The following SUGCT variants were observed in gnomAD, a reference collection of about 807,000 sequenced individuals.
The protein encoded by SUGCT is succinyl-CoA:glutarate-CoA transferase.
In SUGCT, 41 loss-of-function variants were observed where a neutral mutation model predicts 55.0. The observed-to-expected ratio is 0.74, with a 90% CI of 0.58 to 0.97. SUGCT has a LOEUF of 0.97. Ranked by LOEUF, SUGCT falls within the 50% of genes least tolerant of loss-of-function variation. SUGCT has a pLI of 0.00. For missense variants in SUGCT, 568 were observed against 547.8 expected (o/e 1.04, Z -0.37); for synonymous variants, 187 against 200.4 (o/e 0.93, Z 0.56).
At chr7:40,245,506 C>T (rs1471083878) in intron 7 of SUGCT, among the ~76,000 whole-genome samples, 2 of 126,910 alleles carry the variant, frequency 1.6e-5, no homozygotes, top group Non-Finnish European at 3.2e-5. Flanking sequence ...GCGGCATGAT[C>T]TCGGCTCACT....
At chr7:40,253,593 C>T (rs1261939825) in intron 7 of SUGCT, among the ~76,000 whole-genome samples, 2 of 151,542 alleles carry the variant, frequency 1.3e-5, no homozygotes, top group Non-Finnish European at 2.9e-5. Flanking sequence ...GGCGGAGCCT[C>T]GCTCTGTTGC....
chr7:40,610,213 G>A (rs1228141134), intron 12 of SUGCT, among the ~76,000 whole-genome samples: 5 of 152,178 alleles, frequency 3.3e-5, no homozygotes, highest in African/African-American at 1.2e-4. Flanking sequence ...CCTTCATGTA[G>A]CATCCGCATG....
At chr7:40,675,208 G>A (rs1040899899) in intron 12 of SUGCT, among the ~76,000 whole-genome samples, 20 of 151,764 alleles carry the variant, frequency 1.3e-4, no homozygotes, top group Admixed American at 2.6e-4. Context: ...TTACAGGCAC[G>A]TGCCACTATG....
At chr7:40,658,527 C>T (rs902311529) in intron 12 of SUGCT, among the ~76,000 whole-genome samples, 1 of 152,210 alleles carries the variant, frequency 6.6e-6, no homozygotes, top group Admixed American at 6.5e-5. Context: ...ATCTGCGGGT[C>T]AGGGAACTAG....
chr7:40,934,411 G>A, the SUGCT span, among the ~76,000 whole-genome samples: 1 of 152,190 alleles, frequency 6.6e-6, no homozygotes, highest in Non-Finnish European at 1.5e-5. Context: ...ACCCATTTGA[G>A]GAGGCAGTGT....
chr7:40,791,784 G>A (rs1205834405), intron 13 of SUGCT, among the ~76,000 whole-genome samples: 1 of 152,112 alleles, frequency 6.6e-6, no homozygotes, highest in African/African-American at 2.4e-5. Flanking sequence ...AAAATGTACT[G>A]AAGCTGTCAC....
At chr7:40,815,335 T>G (rs528168305) in intron 13 of SUGCT, among the ~76,000 whole-genome samples, 208 of 152,318 alleles carry the variant, frequency 1.4e-3, no homozygotes, top group Non-Finnish European at 1.6e-3. Flanking sequence ...CTCCTTGGCC[T>G]AAGTTCTCTA....
chr7:40,167,631 G>C (rs924688729), intron 1 of SUGCT, among the ~76,000 whole-genome samples: 22 of 152,160 alleles, frequency 1.4e-4, no homozygotes, highest in African/African-American at 5.3e-4. Flanking sequence ...TGTGGGTCAC[G>C]GAAGAGAACT....
chr7:40,301,600 C>T (rs574150495), intron 8 of SUGCT, among the ~76,000 whole-genome samples: 1 of 152,320 alleles, frequency 6.6e-6, no homozygotes, highest in East Asian at 1.9e-4. Flanking sequence ...TAAAGAACTT[C>T]ATCATGTACT....
chr7:40,391,596 AC>A (rs140613962), intron 9 of SUGCT, among the ~76,000 whole-genome samples: 83,755 of 151,942 alleles, frequency 0.55, 23,218 homozygotes, highest in South Asian at 0.65. Context: ...ACCATCTCAC[AC>A]CAGTTCGAAT....
the SUGCT span, among the ~76,000 whole-genome samples, chr7:40,961,688 T>G: frequency 1.3e-5 from 2 of 152,162 alleles, no homozygotes; most frequent in African/African-American, 4.8e-5. Context: ...AAAGATGGTG[T>G]GTCTGGAGTT....
chr7:40,810,060 T>C (rs1791324880), intron 13 of SUGCT, among the ~76,000 whole-genome samples: 1 of 152,174 alleles, frequency 6.6e-6, no homozygotes, highest in Admixed American at 6.5e-5. Context: ...TCCATGACTT[T>C]GCTATTGTGA....
chr7:41,022,415 T>C, the SUGCT span, among the ~76,000 whole-genome samples: 1 of 151,920 alleles, frequency 6.6e-6, no homozygotes, highest in South Asian at 2.1e-4. Context: ...TGAATGGGAG[T>C]TTCTTCTTTA....
intron 12 of SUGCT, among the ~76,000 whole-genome samples, chr7:40,569,226 A>T (rs1584007901): frequency 6.6e-6 from 1 of 152,188 alleles, no homozygotes; most frequent in Non-Finnish European, 1.5e-5. Context: ...ATCTAAATGT[A>T]GGACGTAGGT....
chr7:40,502,151 C>G (rs1277756835), intron 12 of SUGCT, among the ~76,000 whole-genome samples: 1 of 152,046 alleles, frequency 6.6e-6, no homozygotes, highest in Non-Finnish European at 1.5e-5. Context: ...CGCTCTTTCT[C>G]TAGCATGTGC....
intron 9 of SUGCT, among the ~76,000 whole-genome samples, chr7:40,351,102 A>G (rs1195315396): frequency 6.6e-6 from 1 of 152,144 alleles, no homozygotes. Context: ...AAATATTTAT[A>G]TATAATGAGT....
chr7:40,361,435 G>T lies in SUGCT; in HGVS notation c.816+44580G>T, dbSNP rs541403939. On this transcript the variant is annotated intron_variant, in intron 9 of 13. Transcript: ENST00000335693. ...TAAAAATACAAAAAATTAGCCAGGC[G>T]TGGTGACGGGCACCTGTAGTCCCAG... is the stretch of plus-strand genomic sequence containing the variant. 7.9e-4 allele frequency among the ~76,000 whole-genome samples: 120 copies of T among 152,004 alleles called. 1 individual carries two copies. Among genetic ancestry groups the T allele is most frequent in the Admixed American group, 3.0e-3 (46 of 15,274 alleles).
intron 12 of SUGCT, among the ~76,000 whole-genome samples, chr7:40,534,273 A>T (rs767714011): frequency 2.2e-4 from 34 of 152,210 alleles, no homozygotes; most frequent in Non-Finnish European, 4.4e-4. Context: ...TAATTTAATA[A>T]TTCTAAGGAC....
At chr7:40,637,967 C>T (rs1044426811) in intron 12 of SUGCT, among the ~76,000 whole-genome samples, 40 of 152,296 alleles carry the variant, frequency 2.6e-4, no homozygotes, top group African/African-American at 9.4e-4. Flanking sequence ...TATTATCTGT[C>T]CTGATACTGG....
Sources: allele counts gnomAD v4.1 joint callset (sites outside exome capture counted in the v4.1 genomes callset), GRCh38; gene constraint gnomAD v4.1.1; transcripts MANE v1.5; gene names NCBI Gene and HGNC (gene_info 2026-07-23, HGNC 2026-07-21).